Variants in SLC9A9 observed in about 807,000 individuals in gnomAD.
SLC9A9 encodes sodium/hydrogen exchanger 9.
A neutral mutation model predicts 77.8 loss-of-function variants in SLC9A9; 62 were observed. The observed-to-expected ratio is 0.80, with a 90% CI of 0.65 to 0.98. The LOEUF (loss-of-function observed/expected upper bound fraction) is 0.98. Among genes scored for constraint, SLC9A9 ranks in the 50% least tolerant of loss-of-function variants. The probability of loss-of-function intolerance (pLI) is 0.00; values close to 1 mark genes in which losing one functional copy is unlikely to be tolerated. For synonymous variants in SLC9A9, 320 were observed against 283.5 expected, an observed-to-expected ratio of 1.13 and a Z score of -1.29; for missense variants, 775 against 774.9, an observed-to-expected ratio of 1.00 and a Z score of 0.00.
intron 15 of SLC9A9, 66 bp from the exon 16 acceptor site, chr3:143,266,995 ATT>A (rs148013960): frequency 5.3e-4 from 649 of 1,229,616 alleles, no homozygotes; most frequent in Non-Finnish European, 6.1e-4. Context: ...CAGTCCTACA[ATT>A]TTTTTTTTTT....
chr3:143,357,335 C>G (rs762931234), intron 14 of SLC9A9, among the ~76,000 whole-genome samples: 2 of 152,092 alleles, frequency 1.3e-5, no homozygotes, highest in African/African-American at 2.4e-5. Context: ...CCATGAGGTA[C>G]AAAGCAAGAC....
At chr3:143,328,102 A>G (rs1161659285) in intron 14 of SLC9A9, among the ~76,000 whole-genome samples, 2 of 152,230 alleles carry the variant, frequency 1.3e-5, no homozygotes, top group Admixed American at 6.5e-5. Context: ...TAAATAAACA[A>G]TTACATATGA....
intron 14 of SLC9A9, among the ~76,000 whole-genome samples, chr3:143,332,765 C>T (rs182910801): frequency 5.9e-4 from 90 of 152,200 alleles, no homozygotes; most frequent in Non-Finnish European, 1.1e-3. Context: ...CTTGGAGAGG[C>T]GAGTGGATGA....
chr3:143,686,131 C>T (rs2108777034), intron 5 of SLC9A9, among the ~76,000 whole-genome samples: 1 of 152,258 alleles, frequency 6.6e-6, no homozygotes, highest in East Asian at 1.9e-4. Flanking sequence ...AACTACTTCA[C>T]ATTTCATAAT....
chr3:143,692,867 G>A (rs1933512914), intron 5 of SLC9A9, among the ~76,000 whole-genome samples: 1 of 152,136 alleles, frequency 6.6e-6, no homozygotes, highest in African/African-American at 2.4e-5. Context: ...GAAAGTTTAT[G>A]AATTTGTGTT....
chr3:143,328,034 C>T (rs2031654193), intron 14 of SLC9A9, among the ~76,000 whole-genome samples: 1 of 152,148 alleles, frequency 6.6e-6, no homozygotes, highest in Non-Finnish European at 1.5e-5. Context: ...TCTATTTTCT[C>T]TGCTTACATT....
In SLC9A9 at chr3:143,795,070, AAG is replaced by A; in HGVS notation, c.462_463del (p.Phe156SerfsTer47). On this transcript the variant is annotated frameshift_variant, in exon 4 of 16. Coordinates refer to ENST00000316549, the MANE Select transcript of SLC9A9 (RefSeq NM_173653.4). LOFTEE classifies it high-confidence loss of function. ...TAAAATAGATCCTAAGTTTTGAAAAAAGTGTCTCTGGGGAGAAAAAAAGATAT... is the reference window on the plus strand; with the variant it reads ...TAAAATAGATCCTAAGTTTTGAAAAATGTCTCTGGGGAGAAAAAAAGATAT... 1 of 1,613,328 alleles carries A rather than the reference AAG, an allele frequency of 6.2e-7. No individual in the cohort carries two copies. The highest frequency in any genetic ancestry group is 2.2e-5 in the East Asian group (1 of 44,868).
chr3:143,846,827 A>G (rs964012299), intron 1 of SLC9A9, among the ~76,000 whole-genome samples: 4 of 151,558 alleles, frequency 2.6e-5, no homozygotes, highest in Admixed American at 2.0e-4. Flanking sequence ...GGTTAGTTAC[A>G]TATGTATACA....
At chr3:143,735,844 C>A (rs1321302358) in intron 4 of SLC9A9, among the ~76,000 whole-genome samples, 2 of 152,180 alleles carry the variant, frequency 1.3e-5, no homozygotes, top group East Asian at 3.9e-4. Flanking sequence ...TATTTGCTAC[C>A]ATGTGACATT....
At chr3:143,495,111 CA>C (rs2035810478) in intron 10 of SLC9A9, among the ~76,000 whole-genome samples, 1 of 151,954 alleles carries the variant, frequency 6.6e-6, no homozygotes, top group Non-Finnish European at 1.5e-5. Context: ...TCTTTATTTC[CA>C]CAGTTCTTTC....
At chr3:143,656,954 G>A (rs1479207348) in intron 5 of SLC9A9, among the ~76,000 whole-genome samples, 1 of 152,190 alleles carries the variant, frequency 6.6e-6, no homozygotes, top group African/African-American at 2.4e-5. Context: ...GAGGATGGAG[G>A]AGGAAATTCT....
Position 143,461,687 on chromosome 3 carries a change from G to A in SLC9A9, c.1469+5350C>T, listed in dbSNP as rs573616521. On this transcript the variant is annotated intron_variant, in intron 12 of 15. Transcript: ENST00000316549. ...AGGACCTGCTCAGTCTAACTCCACAGTATATGTGTGTATTGATAGACTACA... is the reference window on the plus strand; with the variant it reads ...AGGACCTGCTCAGTCTAACTCCACAATATATGTGTGTATTGATAGACTACA... Among the ~76,000 whole-genome samples, 19 of 152,286 alleles carry A rather than the reference G, an allele frequency of 1.2e-4. No individual in the cohort carries two copies. The South Asian group carries it at 3.5e-3, about 28-fold the overall frequency.
At chr3:143,300,016 G>T (rs1291395668) in intron 14 of SLC9A9, among the ~76,000 whole-genome samples, 1 of 152,198 alleles carries the variant, frequency 6.6e-6, no homozygotes, top group Non-Finnish European at 1.5e-5. Flanking sequence ...TCTATAGTGG[G>T]TGGCCATCCC....
intron 8 of SLC9A9, among the ~76,000 whole-genome samples, chr3:143,561,134 T>C (rs2037077834): frequency 6.6e-6 from 1 of 152,130 alleles, no homozygotes; most frequent in African/African-American, 2.4e-5. Flanking sequence ...TGAGCTGAGG[T>C]TGTGCCATTG....
intron 2 of SLC9A9, among the ~76,000 whole-genome samples, chr3:143,805,036 TA>T (rs2008673199): frequency 6.6e-6 from 1 of 152,144 alleles, no homozygotes; most frequent in Non-Finnish European, 1.5e-5. Flanking sequence ...TATGACAACA[TA>T]AAAAAACTCA....
chr3:143,743,241 GGATAGATAGATAGATAGATA>G (rs71140453), intron 4 of SLC9A9, among the ~76,000 whole-genome samples: 19 of 133,578 alleles, frequency 1.4e-4, no homozygotes, highest in East Asian at 2.2e-4. Context: ...ATGGATGGAT[GGATAGATAGATAGATAGATA>G]GATAGATAGA....
chr3:143,510,216 A>G (rs1559946145), intron 9 of SLC9A9, among the ~76,000 whole-genome samples: 11 of 152,216 alleles, frequency 7.2e-5, no homozygotes. Context: ...ATCCAAATAC[A>G]GACAGATTCT....
intron 4 of SLC9A9, among the ~76,000 whole-genome samples, chr3:143,723,427 G>A (rs1169346181): frequency 1.3e-5 from 2 of 152,146 alleles, no homozygotes; most frequent in African/African-American, 4.8e-5. Flanking sequence ...AGGCCAGGAT[G>A]GTGATGGATA....
intron 8 of SLC9A9, among the ~76,000 whole-genome samples, chr3:143,558,310 C>G (rs1333530985): frequency 6.6e-6 from 1 of 152,188 alleles, no homozygotes; most frequent in African/African-American, 2.4e-5. Context: ...CACACAGTCT[C>G]CACTAGGGCA....
Sources: gnomAD v4.1 joint callset for allele counts (sites outside exome capture counted in the v4.1 genomes callset) on GRCh38, gnomAD v4.1.1 for gene constraint, MANE v1.5 for transcripts, NCBI Gene and HGNC (gene_info 2026-07-23, HGNC 2026-07-21) for gene names.